Variants in PPP2R2B observed in about 807,000 individuals in gnomAD.
The protein encoded by PPP2R2B is serine/threonine-protein phosphatase 2A 55 kDa regulatory subunit B beta isoform.
A neutral mutation model predicts 46.0 loss-of-function variants in PPP2R2B; 5 were observed. The observed-to-expected ratio is 0.11, with a 90% CI of 0.06 to 0.23. The LOEUF is 0.23. PPP2R2B is among the 10% of genes least tolerant of loss of function. The pLI is 1.00. For missense variants in PPP2R2B, 367 were observed against 575.0 expected (o/e 0.64, Z 3.70); for synonymous variants, 215 against 206.7 (o/e 1.04, Z -0.34).
intron 2 of PPP2R2B, among the ~76,000 whole-genome samples, chr5:146,747,955 C>T (rs985318129): frequency 6.6e-6 from 1 of 152,132 alleles, no homozygotes; most frequent in Non-Finnish European, 1.5e-5. Flanking sequence ...CTACACAAAG[C>T]ATGGTTTAAC....
chr5:146,932,807 G>A (rs1015319487), intron 1 of PPP2R2B, among the ~76,000 whole-genome samples: 31 of 152,072 alleles, frequency 2.0e-4, no homozygotes, highest in African/African-American at 7.0e-4. Context: ...CAAGGTCAAA[G>A]AGCAGTGAGA....
At chr5:146,900,552 T>TTCC (rs1290082934) in intron 1 of PPP2R2B, among the ~76,000 whole-genome samples, 6 of 89,870 alleles carry the variant, frequency 6.7e-5, no homozygotes, top group South Asian at 4.8e-4. Context: ...TTTTCCTTCC[T>TTCC]TTCTTCCTTC....
intron 2 of PPP2R2B, among the ~76,000 whole-genome samples, chr5:146,714,983 C>A (rs560522482): frequency 6.6e-6 from 1 of 152,172 alleles, no homozygotes; most frequent in South Asian, 2.1e-4. Context: ...GCTGCTAACT[C>A]ATATACACTT....
intron 7 of PPP2R2B, among the ~76,000 whole-genome samples, chr5:146,633,027 C>T (rs72652837): frequency 4.6e-5 from 7 of 152,014 alleles, no homozygotes; most frequent in Non-Finnish European, 8.8e-5. Flanking sequence ...GATACTCATG[C>T]GTGGAAAGGG....
chr5:147,069,361 G>T (rs1757507044), intron 2 of PPP2R2B, among the ~76,000 whole-genome samples: 1 of 152,188 alleles, frequency 6.6e-6, no homozygotes, highest in South Asian at 2.1e-4. Context: ...ATTCTCCACT[G>T]AGGTGAAATG....
intron 1 of PPP2R2B, among the ~76,000 whole-genome samples, chr5:146,982,780 A>G (rs1753234201): frequency 6.6e-6 from 1 of 152,100 alleles, no homozygotes; most frequent in Non-Finnish European, 1.5e-5. Context: ...TTATCATTAT[A>G]TAATGTCCTT....
At chr5:146,960,434 C>T (rs999339351) in intron 1 of PPP2R2B, among the ~76,000 whole-genome samples, 1 of 152,106 alleles carries the variant, frequency 6.6e-6, no homozygotes, top group Non-Finnish European at 1.5e-5. Context: ...GGGTTACAGG[C>T]GCAGGCCACC....
intron 1 of PPP2R2B, among the ~76,000 whole-genome samples, chr5:146,890,251 C>A (rs1170753369): frequency 6.6e-6 from 1 of 152,216 alleles, no homozygotes; most frequent in Non-Finnish European, 1.5e-5. Context: ...TCCCTTGCCT[C>A]TGCTTTTAAG....
Position 146,802,290 on chromosome 5 carries a change from C to T in PPP2R2B, c.70+75712G>A, listed in dbSNP as rs1756911782. On this transcript the variant is annotated intron_variant, in intron 2 of 9. Coordinates refer to ENST00000394411, the MANE Select transcript of PPP2R2B (RefSeq NM_181675.4). ...TGGAAATGTCTAGGTCAGTACCTAA[C>T]ATCTGGCATAGCTATCTCCAAATTT... 3.9e-5 allele frequency among the ~76,000 whole-genome samples: 6 copies of T among 152,326 alleles called. No homozygotes were observed. In the South Asian group the frequency reaches 1.2e-3, roughly 32 times the overall value.
chr5:146,673,984 A>G (rs1384870204), intron 5 of PPP2R2B, among the ~76,000 whole-genome samples: 1 of 152,202 alleles, frequency 6.6e-6, no homozygotes, highest in South Asian at 2.1e-4. Context: ...GTCTTAGGCA[A>G]ATAAACTCTG....
intron 2 of PPP2R2B, among the ~76,000 whole-genome samples, chr5:146,711,942 T>C (rs1019284851): frequency 6.6e-6 from 1 of 152,176 alleles, no homozygotes; most frequent in Non-Finnish European, 1.5e-5. Context: ...CTCAGCCATA[T>C]CCTTGCATGC....
intron 2 of PPP2R2B, among the ~76,000 whole-genome samples, chr5:146,754,689 T>G (rs1474890643): frequency 6.6e-6 from 1 of 152,180 alleles, no homozygotes; most frequent in Admixed American, 6.5e-5. Flanking sequence ...TTCATTCTTT[T>G]ACTCTCCCAT....
At chr5:146,937,609 G>A (rs920393383) in intron 1 of PPP2R2B, among the ~76,000 whole-genome samples, 1 of 152,098 alleles carries the variant, frequency 6.6e-6, no homozygotes, top group South Asian at 2.1e-4. Context: ...TTTGAAGGCT[G>A]AGCAGGGGTT....
chr5:147,003,678 C>T (rs1754294751), intron 1 of PPP2R2B, among the ~76,000 whole-genome samples: 1 of 152,138 alleles, frequency 6.6e-6, no homozygotes, highest in South Asian at 2.1e-4. Flanking sequence ...TATGGATCCC[C>T]ACTGGGACCT....
At chr5:146,845,485 C>A (rs527480491) in intron 2 of PPP2R2B, among the ~76,000 whole-genome samples, 23 of 152,056 alleles carry the variant, frequency 1.5e-4, no homozygotes, top group African/African-American at 5.3e-4. Context: ...GATCTCCTGA[C>A]CTCGTGATCC....
chr5:146,959,502 T>C (rs1013173659), intron 1 of PPP2R2B, among the ~76,000 whole-genome samples: 4 of 152,196 alleles, frequency 2.6e-5, no homozygotes, highest in African/African-American at 9.7e-5. Context: ...ACCTATTGCC[T>C]GGCAGAGTGA....
intron 5 of PPP2R2B, among the ~76,000 whole-genome samples, chr5:146,665,647 A>T (rs1776937864): frequency 6.6e-6 from 1 of 152,198 alleles, no homozygotes; most frequent in East Asian, 1.9e-4. Context: ...TTTCCTTTGC[A>T]TTCACAACCT....
At chr5:146,648,336 T>C (rs1020046977) in intron 6 of PPP2R2B, among the ~76,000 whole-genome samples, 2 of 152,196 alleles carry the variant, frequency 1.3e-5, no homozygotes, top group African/African-American at 4.8e-5. Flanking sequence ...TCATCAATAT[T>C]AGACTTCATA....
At chr5:146,830,048 T>C (rs1381818386) in intron 2 of PPP2R2B, among the ~76,000 whole-genome samples, 1 of 152,204 alleles carries the variant, frequency 6.6e-6, no homozygotes, top group Non-Finnish European at 1.5e-5. Flanking sequence ...GCAAAACATA[T>C]AGTACAATGG....
Sources: allele counts gnomAD v4.1 joint callset (sites outside exome capture counted in the v4.1 genomes callset), GRCh38; gene constraint gnomAD v4.1.1; transcripts MANE v1.5; gene names NCBI Gene and HGNC (gene_info 2026-07-23, HGNC 2026-07-21).